Variants in DPYSL5 observed in about 807,000 individuals in gnomAD.
DPYSL5 encodes the protein dihydropyrimidinase like 5, also known as dihydropyrimidinase-related protein 5.
DPYSL5 carries 9 observed loss-of-function variants against 58.4 expected under a neutral mutation model. That is an observed-to-expected ratio of 0.15 (90% CI 0.09 to 0.27). The LOEUF is 0.27. DPYSL5 is among the 10% of genes least tolerant of loss of function. The probability of loss-of-function intolerance (pLI) is 1.00; values close to 1 mark genes in which losing one functional copy is unlikely to be tolerated. For missense variants in DPYSL5, 499 were observed against 770.6 expected, an observed-to-expected ratio of 0.65 and a Z score of 4.17; for synonymous variants, 293 against 301.9, an observed-to-expected ratio of 0.97 and a Z score of 0.31.
intron 1 of DPYSL5, among the ~76,000 whole-genome samples, chr2:26,888,417 C>T (rs904025232): frequency 1.3e-5 from 2 of 151,966 alleles, no homozygotes; most frequent in Non-Finnish European, 2.9e-5. Context: ...ATTACAGGTG[C>T]GTGGCACCAT....
intron 5 of DPYSL5, among the ~76,000 whole-genome samples, chr2:26,930,038 G>T (rs1188732935): frequency 6.6e-6 from 1 of 152,216 alleles, no homozygotes; most frequent in African/African-American, 2.4e-5. Context: ...AGGATGTGGT[G>T]GCACTGCCAT....
intron 1 of DPYSL5, among the ~76,000 whole-genome samples, chr2:26,852,468 A>G (rs1222035485): frequency 1.3e-5 from 2 of 152,224 alleles, no homozygotes; most frequent in Non-Finnish European, 2.9e-5. Flanking sequence ...AACATGGTGT[A>G]TGATTTGTTC....
intron 2 of DPYSL5, among the ~76,000 whole-genome samples, chr2:26,908,551 G>A (rs367726381): frequency 2.0e-5 from 3 of 152,174 alleles, no homozygotes; most frequent in South Asian, 2.1e-4. Flanking sequence ...GAGATCTATC[G>A]TTTCTTATAA....
chr2:26,904,505 A>G (rs1486424554), intron 2 of DPYSL5, among the ~76,000 whole-genome samples: 1 of 152,138 alleles, frequency 6.6e-6, no homozygotes, highest in Non-Finnish European at 1.5e-5. Context: ...TTGCTTATTC[A>G]TTGATATTCT....
chr2:26,869,307 T>G (rs1229448731), intron 1 of DPYSL5, among the ~76,000 whole-genome samples: 1 of 152,184 alleles, frequency 6.6e-6, no homozygotes, highest in Non-Finnish European at 1.5e-5. Flanking sequence ...TAAAGCTGTA[T>G]TGAGGTGTAA....
intron 2 of DPYSL5, among the ~76,000 whole-genome samples, chr2:26,910,487 T>A (rs966069226): frequency 6.6e-6 from 1 of 152,230 alleles, no homozygotes; most frequent in African/African-American, 2.4e-5. Flanking sequence ...TGTCTTTACA[T>A]GTGCCTATAT....
At chr2:26,893,156 C>A (rs557634814) in intron 1 of DPYSL5, among the ~76,000 whole-genome samples, 1 of 152,328 alleles carries the variant, frequency 6.6e-6, no homozygotes, top group East Asian at 1.9e-4. Flanking sequence ...TCCCAGCACT[C>A]CCTCAGGCAG....
chr2:26,881,609 G>A (rs532312268), intron 1 of DPYSL5, among the ~76,000 whole-genome samples: 1 of 152,322 alleles, frequency 6.6e-6, no homozygotes, highest in African/African-American at 2.4e-5. Context: ...CAGGAGGAAG[G>A]CTGCTTTTGA....
intron 1 of DPYSL5, among the ~76,000 whole-genome samples, chr2:26,880,456 G>A (rs1274426381): frequency 1.3e-5 from 2 of 152,216 alleles, no homozygotes; most frequent in Non-Finnish European, 2.9e-5. Flanking sequence ...TGCTCCCGCT[G>A]TGCCAGGGCA....
intron 1 of DPYSL5, among the ~76,000 whole-genome samples, chr2:26,854,441 A>G (rs898130483): frequency 1.3e-5 from 2 of 152,192 alleles, no homozygotes; most frequent in Non-Finnish European, 2.9e-5. Flanking sequence ...CCTGGGTGAC[A>G]GAGTAAGACT....
chr2:26,888,255 T>TTCTTTCTTTCTGTCTG (rs1663777733), intron 1 of DPYSL5, among the ~76,000 whole-genome samples: 1 of 108,188 alleles, frequency 9.2e-6, no homozygotes, highest in African/African-American at 4.6e-5. Context: ...CTTTCTTTCT[T>TTCTTTCTTTCTGTCTG]TCTTTCTTTC....
intron 1 of DPYSL5, among the ~76,000 whole-genome samples, chr2:26,891,705 C>T (rs1222983269): frequency 2.6e-5 from 4 of 151,998 alleles, no homozygotes; most frequent in African/African-American, 9.7e-5. Context: ...CAGAGTCTCG[C>T]TCTGTTGCCC....
rs1665703599 is a variant in DPYSL5, at chr2:26,849,850, C to T, written c.-5+1596C>T. Among the ~76,000 whole-genome samples the T allele has an allele frequency of 1.3e-5, 2 of 152,204 alleles. No individual in the cohort carries two copies. Among genetic ancestry groups the T allele is most frequent in the South Asian group, 4.1e-4 (2 of 4,834 alleles). On this transcript the variant is annotated intron_variant, in intron 1 of 12. Transcript: ENST00000288699. This position sits in a 1 kb window ranked among gnomAD's most constrained non-coding sequence, Gnocchi z 6.2. ...GGGAGGCGCTCCCCCGGCCTGGGGG[C>T]CTGCAGACAGCCACCCCCCCACTCC...
intron 8 of DPYSL5, among the ~76,000 whole-genome samples, chr2:26,935,863 A>G (rs1665161636): frequency 1.3e-5 from 2 of 152,106 alleles, no homozygotes; most frequent in South Asian, 4.1e-4. Flanking sequence ...TCCATACCCA[A>G]GCATGCATCC....
chr2:26,867,571 T>A (rs1663130543), intron 1 of DPYSL5, among the ~76,000 whole-genome samples: 1 of 150,558 alleles, frequency 6.6e-6, no homozygotes, highest in Non-Finnish European at 1.5e-5. Flanking sequence ...TTCTCCTGCC[T>A]CAGCCTCCCA....
rs1326059444 is a variant in DPYSL5 at position 26,877,149 on chromosome 2, T to C, written c.-4-21347T>C. ...GCCCGGCTAATTTTTGTATTTTTAG[T>C]AGAAACGGGGTTTCACCATGTTGGC... On this transcript the variant is annotated intron_variant, in intron 1 of 12. Coordinates refer to ENST00000288699, the MANE Select transcript of DPYSL5 (RefSeq NM_020134.4). The surrounding 1 kb of genome is among the most constrained non-coding windows in gnomAD (Gnocchi z 4.1). 6.6e-6 allele frequency among the ~76,000 whole-genome samples: 1 copy of C among 151,208 alleles called. No homozygotes were observed. The highest frequency in any genetic ancestry group is 1.5e-5 in the Non-Finnish European group (1 of 67,830).
intron 8 of DPYSL5, among the ~76,000 whole-genome samples, chr2:26,935,114 C>T (rs1471212472): frequency 1.3e-5 from 2 of 152,158 alleles, no homozygotes; most frequent in Non-Finnish European, 1.5e-5. Flanking sequence ...TTCTTGTTGG[C>T]TCCCGTGTGC....
chr2:26,925,150 T>A lies in DPYSL5; in HGVS notation c.420+105T>A. The stretch of plus-strand genomic sequence containing the variant: ...TGCTTGTGTGGGGCACCCCTCCCAC[T>A]ACCATCCTAGCTCCCCACAATGCCA... On this transcript the variant is annotated intron_variant, in intron 3 of 12. Transcript: ENST00000288699. The surrounding 1 kb of genome is among the most constrained non-coding windows in gnomAD (Gnocchi z 4.5). 7.1e-7 allele frequency: 1 copy of A among 1,407,904 alleles called. No homozygotes were observed. Among genetic ancestry groups the A allele is most frequent in the Non-Finnish European group, 9.6e-7 (1 of 1,036,670 alleles). 87.2% of individuals were successfully genotyped at this position (1,407,904 alleles called of 1,614,324 possible).
intron 8 of DPYSL5, among the ~76,000 whole-genome samples, chr2:26,935,388 T>C (rs1665145302): frequency 6.6e-6 from 1 of 152,124 alleles, no homozygotes; most frequent in Non-Finnish European, 1.5e-5. Context: ...TCTTTCTCTC[T>C]CCTATTAACA....
Sources: gnomAD v4.1 joint callset for allele counts (sites outside exome capture counted in the v4.1 genomes callset) on GRCh38, gnomAD v4.1.1 for gene constraint, Gnocchi (gnomAD v3.1) non-coding constraint, MANE v1.5 for transcripts, NCBI Gene and HGNC (gene_info 2026-07-23, HGNC 2026-07-21) for gene names.